Variants in ARMCX6 observed in about 807,000 individuals in gnomAD.
The protein encoded by ARMCX6 is protein ARMCX6.
For synonymous variants in ARMCX6, 85 were observed against 70.3 expected (o/e 1.21, Z -1.05); for missense variants, 194 against 186.0 (o/e 1.04, Z -0.25).
chrX:101,616,302 A>T lies in ARMCX6; in HGVS notation c.319T>A (p.Tyr107Asn), dbSNP rs1227883971. Reference protein sequence around the residue: ...AHPIKQRPFPYEHKNTWSAQN... With the variant: ...AHPIKQRPFPNEHKNTWSAQN... ...GCACTCCAAGTATTTTTATGTTCAT[A>T]GGGGAATGGCCGCTGTTTTATTGGG... is the stretch of plus-strand genomic sequence containing the variant. The change falls in exon 3 of 3, where the codon TAT becomes AAT. Residue 107 changes from tyrosine to asparagine, a missense_variant. By Grantham distance (143) the Tyr-to-Asn change is moderately radical. Transcript: ENST00000361910. The T allele has an allele frequency of 4.1e-6, 5 of 1,209,635 alleles. No homozygotes were observed. The highest frequency in any genetic ancestry group is 2.2e-5 in the Admixed American group (1 of 45,784).
chrX:101,615,998 C>T lies in ARMCX6; in HGVS notation c.623G>A (p.Arg208His), dbSNP rs1416274672. ...INEVCRETVS[R>H]CCNSFLQQAG... ...CTGCTGCAGAAATGAGTTGCAGCAA[C>T]GTGACACAGTCTCCCGACACACTTC... The change falls in exon 3 of 3, where the codon CGT becomes CAT. Residue 208 changes from arginine to histidine, a missense_variant. Transcript: ENST00000361910. 13 of 741,655 alleles carry T rather than the reference C, an allele frequency of 1.8e-5. No homozygotes were observed. Among genetic ancestry groups the T allele is most frequent in the Admixed American group, 1.7e-4 (4 of 24,069 alleles). 61.1% of individuals were successfully genotyped at this position (741,655 alleles called of 1,213,427 possible).
At position 101,616,314 on chromosome X, in the gene ARMCX6, G is replaced by T. The variant is rs782019037; in HGVS notation, c.307C>A (p.Arg103=). The change falls in exon 3 of 3, where the codon CGG becomes AGG. Residue 103 remains arginine, a synonymous_variant. Coordinates refer to ENST00000361910, the MANE Select transcript of ARMCX6 (RefSeq NM_019007.4). ...KANRAHPIKQ[R]PFPYEHKNTW... ...TTTTTATGTTCATAGGGGAATGGCC[G>T]CTGTTTTATTGGGTGTGCTCGGTTG... 1 of 1,211,494 alleles carries T rather than the reference G, an allele frequency of 8.3e-7. No individual in the cohort carries two copies. The highest frequency in any genetic ancestry group is 3.0e-5 in the East Asian group (1 of 33,831).
In ARMCX6 at chrX:101,616,243, G is replaced by A. The variant is rs1556035717; in HGVS notation, c.378C>T (p.Asp126=). The A allele has an allele frequency of 8.3e-7, 1 of 1,211,590 alleles. No homozygotes were observed. Among genetic ancestry groups the A allele is most frequent in the Non-Finnish European group, 1.1e-6 (1 of 895,515 alleles). Residue 126 remains aspartate, a synonymous_variant, in exon 3 of 3, where the codon GAC becomes GAT. Transcript: ENST00000361910. The part of the protein sequence containing the change: ...QNCKNGSCVL[D]LSKCLFIQGK... The stretch of plus-strand genomic sequence containing the variant: ...CCTGAATGAAAAGACACTTGGAGAG[G>A]TCCAGAACACAACTGCCATTTTTAC...
At position 101,616,677 on chromosome X, in the gene ARMCX6, T is replaced by A; in HGVS notation, c.-57A>T. On this transcript the variant is annotated 5_prime_UTR_variant, in exon 3 of 3. Transcript: ENST00000361910. ...AGGAGAGGGCCTTGCTCCACCTGAT[T>A]GAAGAGGTCTCTCAGGTCCAGGGTG... 1 of 1,165,267 alleles carries A rather than the reference T, an allele frequency of 8.6e-7. No homozygotes were observed. The highest frequency in any genetic ancestry group is 1.1e-6 in the Non-Finnish European group (1 of 871,248).
rs1935813528 is a variant in ARMCX6 at position 101,616,483 on chromosome X, G to A, written c.138C>T (p.Asp46=). 1.2e-5 allele frequency: 14 copies of A among 1,211,050 alleles called. No homozygotes were observed. Among genetic ancestry groups the A allele is most frequent in the Non-Finnish European group, 1.5e-5 (13 of 895,130 alleles). The change falls in exon 3 of 3, where the codon GAC becomes GAT. Residue 46 remains aspartate, a synonymous_variant. Coordinates refer to ENST00000361910, the MANE Select transcript of ARMCX6 (RefSeq NM_019007.4). The part of the protein sequence containing the change: ...KLEEEGEEEW[D]DDQELDEEEP... Reference sequence around the variant, plus strand: ...CCTCCTCATCCAGCTCCTGGTCATCGTCCCACTCCTCTTCCCCCTCCTCCT... The same window carrying A: ...CCTCCTCATCCAGCTCCTGGTCATCATCCCACTCCTCTTCCCCCTCCTCCT...
In ARMCX6 at chrX:101,617,976, T is replaced by A. The variant is rs1407311998; in HGVS notation, c.-320A>T. 9.0e-6 allele frequency: 1 copy of A among 111,719 alleles called. No homozygotes were observed. Among genetic ancestry groups the A allele is most frequent in the Non-Finnish European group, 1.9e-5 (1 of 53,056 alleles). The allele number at this position is 111,719 out of a possible 1,213,427, so 9.2% of individuals were successfully genotyped here. A position where few individuals can be genotyped will look rare whatever the true frequency, so the allele number is the denominator to read the frequency against. On this transcript the variant is annotated 5_prime_UTR_variant, in exon 1 of 3. Coordinates refer to ENST00000361910, the MANE Select transcript of ARMCX6 (RefSeq NM_019007.4). ...AGACGGAGGCGACTAGCAGGACTTGTGCTCTAGGCGGCTCTTGGTCACGTG... is the reference window on the plus strand; with the variant it reads ...AGACGGAGGCGACTAGCAGGACTTGAGCTCTAGGCGGCTCTTGGTCACGTG...
At position 101,616,751 on chromosome X, in the gene ARMCX6, C is replaced by G; in HGVS notation, c.-131G>C. 9.4e-7 allele frequency: 1 copy of G among 1,068,191 alleles called. No homozygotes were observed. Among genetic ancestry groups the G allele is most frequent in the Non-Finnish European group, 1.2e-6 (1 of 816,158 alleles). The allele number at this position is 1,068,191 out of a possible 1,213,427, so 88.0% of individuals were successfully genotyped here. On this transcript the variant is annotated 5_prime_UTR_variant, in exon 3 of 3. Transcript: ENST00000361910. ...TTCAGCTTCTTCCAGGCTCTTGTAG[C>G]TCTCTTGTGATGAATCTGTGGGTGA...
In ARMCX6 at chrX:101,616,428, T is replaced by C. The variant is rs782210393; in HGVS notation, c.193A>G (p.Met65Val). 1 of 1,209,498 alleles carries C rather than the reference T, an allele frequency of 8.3e-7. No homozygotes were observed. The highest frequency in any genetic ancestry group is 1.8e-5 in the African/African-American group (1 of 56,912). ...CCATCCTCAGTCCAGGGCCGAGCCA[T>C]AGTTTCAAAATCAAACCAAATATCA... ...EPDIWFDFET[M>V]ARPWTEDGDW... is the part of the protein sequence containing the mutation. The change falls in exon 3 of 3, where the codon ATG (methionine) becomes GTG (valine). Residue 65 changes from methionine (M) to valine (V), a missense_variant. Met to Val is a conservative substitution (Grantham distance 21). Coordinates refer to ENST00000361910, the MANE Select transcript of ARMCX6 (RefSeq NM_019007.4).
chrX:101,617,652 A>C (rs1298577710), intron 1 of ARMCX6, 68 bp from the exon 2 acceptor site: 1 of 107,546 alleles, frequency 9.3e-6, no homozygotes, highest in Non-Finnish European at 1.9e-5. Context: ...GGACACTAGA[A>C]CCTTTCTTTT....
In ARMCX6 at chrX:101,615,651, T is replaced by C; in HGVS notation, c.*67A>G. On this transcript the variant is annotated 3_prime_UTR_variant, in exon 3 of 3. Transcript: ENST00000361910. ...GATCTTCAGTAGCACCCTCTGCAGA[T>C]TCTTTGACATCTGCAAACCAAGCGC... The C allele has an allele frequency of 5.4e-5, 4 of 74,597 alleles. No individual in the cohort carries two copies. The African/African-American group carries it at 1.5e-3, about 28-fold the overall frequency. The allele number at this position is 74,597 out of a possible 1,213,427, so 6.1% of individuals were successfully genotyped here.
At position 101,616,634 on chromosome X, in the gene ARMCX6, C is replaced by T. The variant is rs899798112; in HGVS notation, c.-14G>A. 9.2e-6 allele frequency: 11 copies of T among 1,200,809 alleles called. No individual in the cohort carries two copies. Among genetic ancestry groups the T allele is most frequent in the Non-Finnish European group, 1.1e-5 (10 of 888,533 alleles). ...AGCCCGGCCCATGCTCAAGTCTGTG[C>T]CAGCCTTGGGGCAGGACAGGAGAGG... On this transcript the variant is annotated 5_prime_UTR_variant, in exon 3 of 3. Coordinates refer to ENST00000361910, the MANE Select transcript of ARMCX6 (RefSeq NM_019007.4).
In ARMCX6 at chrX:101,616,975, T is replaced by C. The variant is rs782175412; in HGVS notation, c.-146-209A>G. Reference sequence around the variant, plus strand: ...GGCAGGAGATGGGTCTCTGCTATGATAGCTAGGAGGGTGACAGTGTGAGTA... The same window carrying C: ...GGCAGGAGATGGGTCTCTGCTATGACAGCTAGGAGGGTGACAGTGTGAGTA... On this transcript the variant is annotated intron_variant, in intron 2 of 2. Coordinates refer to ENST00000361910, the MANE Select transcript of ARMCX6 (RefSeq NM_019007.4). 3 of 197,980 alleles carry C rather than the reference T, an allele frequency of 1.5e-5. No homozygotes were observed. In the East Asian group the frequency reaches 2.9e-4, roughly 19 times the overall value. The allele number at this position is 197,980 out of a possible 1,213,427, so 16.3% of individuals were successfully genotyped here.
chrX:101,616,954 G>GGA (rs1935828830), intron 2 of ARMCX6, 188 bp from the exon 3 acceptor site: 1 of 240,792 alleles, frequency 4.2e-6, no homozygotes, highest in African/African-American at 2.8e-5. Flanking sequence ...GGGAAGGGCA[G>GGA]GAGATGGGTC....
At position 101,616,770 on chromosome X, in the gene ARMCX6, T is replaced by C; in HGVS notation, c.-146-4A>G. ...TTGTAGCTCTCTTGTGATGAATCTG[T>C]GGGTGAAACAGAGTATTAGGGCTCG... On this transcript the variant is annotated splice_polypyrimidine_tract_variant and splice_region_variant and intron_variant, in intron 2 of 2. Coordinates refer to ENST00000361910, the MANE Select transcript of ARMCX6 (RefSeq NM_019007.4). 9.8e-7 allele frequency: 1 copy of C among 1,023,172 alleles called. No homozygotes were observed. The highest frequency in any genetic ancestry group is 1.3e-6 in the Non-Finnish European group (1 of 779,285). 84.3% of individuals were successfully genotyped at this position (1,023,172 alleles called of 1,213,427 possible). A position where few individuals can be genotyped will look rare whatever the true frequency, so the allele number is the denominator to read the frequency against.
Position 101,616,021 on chromosome X carries a change from T to C in ARMCX6, c.600A>G (p.Glu200=). Residue 200 remains glutamate, a synonymous_variant, in exon 3 of 3, where the codon GAA becomes GAG. Coordinates refer to ENST00000361910, the MANE Select transcript of ARMCX6 (RefSeq NM_019007.4). ...SQGQIKMYIN[E]VCRETVSRCC... ...AACGTGACACAGTCTCCCGACACAC[T>C]TCATTGATGTACATCTTAATCTGGC... The C allele has an allele frequency of 1.1e-6, 1 of 895,020 alleles. No homozygotes were observed. Among genetic ancestry groups the C allele is most frequent in the Non-Finnish European group, 1.5e-6 (1 of 661,015 alleles). The allele number at this position is 895,020 out of a possible 1,213,427, so 73.8% of individuals were successfully genotyped here. A position where few individuals can be genotyped will look rare whatever the true frequency, so the allele number is the denominator to read the frequency against.
chrX:101,616,347 C>T lies in ARMCX6; in HGVS notation c.274G>A (p.Gly92Ser). The change falls in exon 3 of 3, where the codon GGC becomes AGC. Residue 92 changes from glycine (G) to serine (S), a missense_variant. Gly to Ser is a moderately conservative substitution (Grantham distance 56). Coordinates refer to ENST00000361910, the MANE Select transcript of ARMCX6 (RefSeq NM_019007.4). Reference protein sequence around the residue: ...GGTEDRPSGGGKANRAHPIKQ... With the variant: ...GGTEDRPSGGSKANRAHPIKQ... ...ATTGGGTGTGCTCGGTTGGCCTTGC[C>T]TCCCCCTGAGGGCCTGTCCTCAGTG... The T allele has an allele frequency of 8.3e-7, 1 of 1,211,586 alleles. No homozygotes were observed.
Position 101,616,607 on chromosome X carries a change from C to A in ARMCX6, c.14G>T (p.Arg5Leu), listed in dbSNP as rs781962965. 7 of 1,207,952 alleles carry A rather than the reference C, an allele frequency of 5.8e-6. No homozygotes were observed. Among genetic ancestry groups the A allele is most frequent in the Non-Finnish European group, 7.8e-6 (7 of 892,794 alleles). MGRA[R>L]EVGWMAAGLM... ...TCCTGCCGCCATCCAACCCACTTCCCGAGCCCGGCCCATGCTCAAGTCTGT... is the reference window on the plus strand; with the variant it reads ...TCCTGCCGCCATCCAACCCACTTCCAGAGCCCGGCCCATGCTCAAGTCTGT... The change falls in exon 3 of 3, where the codon CGG (arginine) becomes CTG (leucine). Residue 5 changes from arginine to leucine, a missense_variant. Coordinates refer to ENST00000361910, the MANE Select transcript of ARMCX6 (RefSeq NM_019007.4).
Position 101,616,615 on chromosome X carries a change from G to T in ARMCX6, c.6C>A (p.Gly2=). ...CCATCCAACCCACTTCCCGAGCCCG[G>T]CCCATGCTCAAGTCTGTGCCAGCCT... M[G]RAREVGWMAA... The change falls in exon 3 of 3, where the codon GGC becomes GGA. Residue 2 remains glycine, a synonymous_variant. Coordinates refer to ENST00000361910, the MANE Select transcript of ARMCX6 (RefSeq NM_019007.4). 8.3e-7 allele frequency: 1 copy of T among 1,206,772 alleles called. No homozygotes were observed. Among genetic ancestry groups the T allele is most frequent in the South Asian group, 1.8e-5 (1 of 56,280 alleles).
rs782058785 is a variant in ARMCX6, at chrX:101,617,914, C to T, written c.-258G>A. On this transcript the variant is annotated 5_prime_UTR_variant, in exon 1 of 3. Transcript: ENST00000361910. The stretch of plus-strand genomic sequence containing the variant: ...ACGGTCCGAGCTAGTTTCCTTCTTT[C>T]TTCACACGCCTGCAGAGTAATAGGG... 1 of 111,726 alleles carries T rather than the reference C, an allele frequency of 9.0e-6. No homozygotes were observed. Among genetic ancestry groups the T allele is most frequent in the Admixed American group, 9.4e-5 (1 of 10,649 alleles). 9.2% of individuals were successfully genotyped at this position (111,726 alleles called of 1,213,427 possible).
Sources: allele counts gnomAD v4.1 joint callset, GRCh38; gene constraint gnomAD v4.1.1; transcripts MANE v1.5; gene names NCBI Gene and HGNC (gene_info 2026-07-23, HGNC 2026-07-21).